EPM2A: variants seen among roughly 807,000 people sequenced by gnomAD.
The protein encoded by EPM2A is laforin.
In EPM2A, 21 loss-of-function variants were observed where a neutral mutation model predicts 26.5. The ratio of observed to expected loss-of-function variants is 0.79; its 90% CI spans 0.56 to 1.14. The LOEUF is 1.14. Ranked by LOEUF, EPM2A falls within the 50% of genes most tolerant of loss-of-function variation. The pLI is 0.00. For missense variants in EPM2A, 458 were observed against 440.8 expected, an observed-to-expected ratio of 1.04 and a Z score of -0.35; for synonymous variants, 217 against 177.6, an observed-to-expected ratio of 1.22 and a Z score of -1.76.
chr6:145,676,136 A>G (rs1049226593), intron 2 of EPM2A, among the ~76,000 whole-genome samples: 2 of 152,152 alleles, frequency 1.3e-5, no homozygotes, highest in Non-Finnish European at 2.9e-5. Flanking sequence ...TCAAAACCAC[A>G]CAACTACATG....
chr6:145,610,085 C>G (rs1251938645), intron 2 of EPM2A, among the ~76,000 whole-genome samples: 4 of 151,904 alleles, frequency 2.6e-5, no homozygotes, highest in Non-Finnish European at 5.9e-5. Flanking sequence ...CCTGGTGGCA[C>G]GCGCCTGTAA....
Position 145,413,539 on chromosome 6 carries a change from C to T in EPM2A, c.556-29442G>A, listed in dbSNP as rs528758968. Among the ~76,000 whole-genome samples, 29 of 152,152 alleles carry T rather than the reference C, an allele frequency of 1.9e-4. No homozygotes were observed. The South Asian group carries it at 5.6e-3, about 29-fold the overall frequency. ...TCCATTTTCCAGCCCGTGGTTGAAT[C>T]ATCTCTACCATATCTCCACCAAGAG... On this transcript the variant is annotated intron_variant, in intron 4 of 4. Coordinates refer to the EPM2A transcript ENST00000638717.
intron 2 of EPM2A, among the ~76,000 whole-genome samples, chr6:145,529,224 A>G (rs1780320974): frequency 6.6e-6 from 1 of 152,190 alleles, no homozygotes; most frequent in African/African-American, 2.4e-5. Flanking sequence ...AATTTAGTTG[A>G]TAAATCAGTG....
intron 2 of EPM2A, among the ~76,000 whole-genome samples, chr6:145,584,057 A>G (rs1012687498): frequency 6.6e-6 from 1 of 152,190 alleles, no homozygotes; most frequent in African/African-American, 2.4e-5. Flanking sequence ...CAGCAGTGGT[A>G]CCATGGGCTA....
At position 145,669,220 on chromosome 6, in the gene EPM2A, T is replaced by A. The variant is rs549847752; in HGVS notation, c.476+16902A>T. ...TTATCAAAACAAGATAACAAAGAGT[T>A]CATGTTTCATAAAAAAGTCTGTGAA... On this transcript the variant is annotated intron_variant, in intron 2 of 3. Coordinates refer to ENST00000367519, the MANE Select transcript of EPM2A (RefSeq NM_005670.4). 2.4e-4 allele frequency among the ~76,000 whole-genome samples: 36 copies of A among 152,316 alleles called. 1 individual carries two copies. The South Asian group carries it at 7.2e-3, about 31-fold the overall frequency.
At chr6:145,615,223 T>C (rs1317821248) in intron 2 of EPM2A, among the ~76,000 whole-genome samples, 1 of 152,152 alleles carries the variant, frequency 6.6e-6, no homozygotes, top group Non-Finnish European at 1.5e-5. Flanking sequence ...GGGCAGATCT[T>C]TCCTGTGCTG....
At position 145,619,128 on chromosome 6, in the gene EPM2A, C is replaced by G. The variant is rs7738817; in HGVS notation, c.340+16117G>C. On this transcript the variant is annotated intron_variant, in intron 2 of 3. Transcript: ENST00000450221. ...AATTAGGGGAAGATGTTGCCAGTGTCTGCTCAACAGAGAAAGTATGGGAGG... is the reference window on the plus strand; with the variant it reads ...AATTAGGGGAAGATGTTGCCAGTGTGTGCTCAACAGAGAAAGTATGGGAGG... Among the ~76,000 whole-genome samples, 273 of 151,762 alleles carry G rather than the reference C, an allele frequency of 1.8e-3. 1 individual carries two copies. The highest frequency in any genetic ancestry group is 6.3e-3 in the African/African-American group (260 of 41,318).
In EPM2A at chr6:145,465,626, G is replaced by A. The variant is rs1195725527; in HGVS notation, c.555+36896C>T. On this transcript the variant is annotated intron_variant, in intron 4 of 4. Coordinates refer to the EPM2A transcript ENST00000638717. The stretch of plus-strand genomic sequence containing the variant: ...TATCTACTTTTGGTCTTTGATGATG[G>A]TGATGTACAGATGGGTTTTTGGTGT... Among the ~76,000 whole-genome samples, 22 of 151,508 alleles carry A rather than the reference G, an allele frequency of 1.5e-4. No individual in the cohort carries two copies. The South Asian group carries it at 4.2e-3, about 29-fold the overall frequency.
At position 145,567,469 on chromosome 6, in the gene EPM2A, C is replaced by G. The variant is rs986950693; in HGVS notation, c.341-64894G>C. Among the ~76,000 whole-genome samples the G allele has an allele frequency of 1.3e-5, 2 of 152,168 alleles. 1 individual carries two copies. ...CAGATCTATTGTGTAGCTTCATCAC[C>G]TGGAACATGCTGCCACAGCAGGCTA... On this transcript the variant is annotated intron_variant, in intron 2 of 3. Coordinates refer to the EPM2A transcript ENST00000450221.
downstream of EPM2A, among the ~76,000 whole-genome samples, chr6:145,500,956 A>G (rs975932255): frequency 6.6e-5 from 10 of 152,244 alleles, no homozygotes; most frequent in African/African-American, 2.4e-4. Flanking sequence ...TGAAGATGCT[A>G]GAATAATTTG....
downstream of EPM2A, among the ~76,000 whole-genome samples, chr6:145,496,694 A>C (rs1779824069): frequency 6.7e-6 from 1 of 148,298 alleles, no homozygotes; most frequent in African/African-American, 2.5e-5. Context: ...TACGTTCTTC[A>C]CTATACTAGC....
chr6:145,549,469 A>G (rs1780625977), intron 2 of EPM2A, among the ~76,000 whole-genome samples: 1 of 152,138 alleles, frequency 6.6e-6, no homozygotes, highest in South Asian at 2.1e-4. Flanking sequence ...GACGCAAGTA[A>G]TTGGAACAGA....
chr6:145,388,186 C>T (rs1778288499), intron 4 of EPM2A, among the ~76,000 whole-genome samples: 1 of 152,130 alleles, frequency 6.6e-6, no homozygotes, highest in South Asian at 2.1e-4. Flanking sequence ...ATACTGTTCT[C>T]TTTATTTCTC....
chr6:145,413,315 A>G (rs1778667259), intron 4 of EPM2A, among the ~76,000 whole-genome samples: 1 of 152,214 alleles, frequency 6.6e-6, no homozygotes, highest in Non-Finnish European at 1.5e-5. Flanking sequence ...GATTATTTTC[A>G]AAAGCATTCA....
intron 2 of EPM2A, among the ~76,000 whole-genome samples, chr6:145,529,097 G>T (rs1375182853): frequency 6.7e-6 from 1 of 150,210 alleles, no homozygotes; most frequent in East Asian, 1.9e-4. Context: ...TTCAGCAAAT[G>T]AGGAGTTGCT....
intron 2 of EPM2A, among the ~76,000 whole-genome samples, chr6:145,647,152 G>A (rs1292334): frequency 0.62 from 94,358 of 152,058 alleles, 29,747 homozygotes; most frequent in East Asian, 0.74. Flanking sequence ...TCCGTATCCT[G>A]AAATACTGAG....
At chr6:145,721,484 T>C (rs1209297727) in intron 1 of EPM2A, 3 of 152,210 alleles carry the variant, frequency 2.0e-5, no homozygotes, top group Non-Finnish European at 1.5e-5. Context: ...GGACCAACAA[T>C]GGTACTAAGA....
At chr6:145,658,716 A>G (rs1454566818) in intron 2 of EPM2A, among the ~76,000 whole-genome samples, 2 of 152,220 alleles carry the variant, frequency 1.3e-5, no homozygotes, top group Non-Finnish European at 2.9e-5. Context: ...TTTATAAGTT[A>G]AAGTAGTGAA....
intron 2 of EPM2A, among the ~76,000 whole-genome samples, chr6:145,612,657 A>T (rs1344895351): frequency 1.3e-5 from 2 of 150,168 alleles, no homozygotes; most frequent in Admixed American, 6.7e-5. Context: ...TCATTTCTCA[A>T]TGCTTATAAA....
Sources: allele counts gnomAD v4.1 joint callset (sites outside exome capture counted in the v4.1 genomes callset), GRCh38; gene constraint gnomAD v4.1.1; transcripts MANE v1.5; gene names NCBI Gene and HGNC (gene_info 2026-07-23, HGNC 2026-07-21).